The following FTO variants were observed in gnomAD, a reference collection of about 807,000 sequenced individuals.
The protein encoded by FTO is alpha-ketoglutarate-dependent dioxygenase FTO.
A neutral mutation model predicts 63.9 loss-of-function variants in FTO; 47 were observed. The observed-to-expected ratio is 0.74, with a 90% CI of 0.58 to 0.94. The LOEUF (loss-of-function observed/expected upper bound fraction) is 0.94, where lower values mean the gene tolerates loss of function less well. Among genes scored for constraint, FTO ranks in the 40% least tolerant of loss-of-function variants. FTO has a pLI of 0.00. For missense variants in FTO, 562 were observed against 618.1 expected (o/e 0.91, Z 0.96); for synonymous variants, 207 against 224.4 (o/e 0.92, Z 0.69).
At chr16:53,747,079 T>C (rs1334582932) in intron 1 of FTO, among the ~76,000 whole-genome samples, 1 of 152,230 alleles carries the variant, frequency 6.6e-6, no homozygotes, top group Non-Finnish European at 1.5e-5. Context: ...TGTGTATATA[T>C]GTCACATTTT....
At chr16:54,080,099 A>G (rs1477345097) in intron 8 of FTO, among the ~76,000 whole-genome samples, 2 of 152,142 alleles carry the variant, frequency 1.3e-5, no homozygotes, top group East Asian at 3.9e-4. Flanking sequence ...AATCATAAGA[A>G]GAGTAGGCCA....
chr16:53,711,244 CAA>C, intron 1 of FTO: 1 of 386,636 alleles, frequency 2.6e-6, no homozygotes, highest in Non-Finnish European at 4.6e-6. Context: ...TGGATTTTCT[CAA>C]ATGGGGTTCC....
chr16:53,904,630 C>A (rs1376865531), intron 7 of FTO, among the ~76,000 whole-genome samples: 2 of 152,104 alleles, frequency 1.3e-5, no homozygotes, highest in Admixed American at 6.6e-5. Context: ...GAGTTCTAGG[C>A]CTTTGTGCTA....
chr16:54,091,659 G>A (rs1372489097), intron 8 of FTO, among the ~76,000 whole-genome samples: 6 of 152,196 alleles, frequency 3.9e-5, no homozygotes, highest in South Asian at 2.1e-4. Context: ...TTGCTTTTTC[G>A]TTGTGAACCC....
chr16:54,067,153 T>G (rs2085751705), intron 8 of FTO, among the ~76,000 whole-genome samples: 2 of 149,146 alleles, frequency 1.3e-5, no homozygotes, highest in Non-Finnish European at 2.9e-5. Context: ...TTTTTTTGTT[T>G]TCTTTTTTTG....
chr16:53,826,519 C>T lies in FTO; in HGVS notation c.751+28C>T, dbSNP rs781757506. 4.3e-6 allele frequency: 7 copies of T among 1,611,122 alleles called. No individual in the cohort carries two copies. In the African/African-American group the frequency reaches 9.4e-5, roughly 22 times the overall value. ...ACAGTCTGCTCTTGGAAAAAGCAGC[C>T]CTGTATGTAATAATATGACCCGAGT... On this transcript the variant is annotated intron_variant, in intron 3 of 8. Coordinates refer to ENST00000471389, the MANE Select transcript of FTO (RefSeq NM_001080432.3).
intron 8 of FTO, among the ~76,000 whole-genome samples, chr16:53,940,002 A>G (rs1237951502): frequency 6.6e-6 from 1 of 152,108 alleles, no homozygotes; most frequent in Non-Finnish European, 1.5e-5. Context: ...TCTCTTGGGT[A>G]TATACCTAGG....
intron 2 of FTO, among the ~76,000 whole-genome samples, chr16:53,813,827 A>C (rs2078600605): frequency 6.6e-6 from 1 of 152,146 alleles, no homozygotes; most frequent in African/African-American, 2.4e-5. Flanking sequence ...GTATTCAGCA[A>C]CTACTTTTCT....
In FTO at chr16:54,118,897, G is replaced by T. The variant is rs1405273433; in HGVS notation, c.*6982G>T. ...AAGTCCTACTCAAGTCCAAGGGAGA[G>T]AAATTATTATTATTCGTTTTGTGAA... is the stretch of plus-strand genomic sequence containing the variant. On this transcript the variant is annotated 3_prime_UTR_variant, in exon 9 of 9. Transcript: ENST00000471389. 6.6e-6 allele frequency: 1 copy of T among 152,216 alleles called. No individual in the cohort carries two copies. Among genetic ancestry groups the T allele is most frequent in the Non-Finnish European group, 1.5e-5 (1 of 68,042 alleles). 9.4% of individuals were successfully genotyped at this position (152,216 alleles called of 1,614,324 possible).
intron 1 of FTO, among the ~76,000 whole-genome samples, chr16:53,717,185 A>G (rs1459909274): frequency 1.3e-5 from 2 of 152,040 alleles, no homozygotes; most frequent in African/African-American, 4.8e-5. Flanking sequence ...AACTTTTGTT[A>G]AGATTTTTGG....
intron 8 of FTO, among the ~76,000 whole-genome samples, chr16:53,994,700 A>T (rs2083894845): frequency 6.6e-6 from 1 of 150,768 alleles, no homozygotes; most frequent in Non-Finnish European, 1.5e-5. Context: ...AGTCTCCAAA[A>T]TTGTGCCCTT....
upstream of FTO, chr16:53,703,982 G>C: frequency 1.5e-6 from 1 of 652,082 alleles, no homozygotes; most frequent in Non-Finnish European, 2.8e-6. Flanking sequence ...TCCAGCTGTC[G>C]GACCTGGGAA....
Position 53,969,625 on chromosome 16 carries a change from G to A in FTO, c.1364+35516G>A, listed in dbSNP as rs182315844. ...CACCACACTGCATCTTTATGCAATAGATGTGACAGGACCTATATCCTCCAG... is the reference window on the plus strand; with the variant it reads ...CACCACACTGCATCTTTATGCAATAAATGTGACAGGACCTATATCCTCCAG... On this transcript the variant is annotated intron_variant, in intron 8 of 8. Coordinates refer to ENST00000471389, the MANE Select transcript of FTO (RefSeq NM_001080432.3). Among the ~76,000 whole-genome samples the A allele has an allele frequency of 8.5e-5, 13 of 152,270 alleles. No homozygotes were observed. The East Asian group carries it at 2.1e-3, about 25-fold the overall frequency.
intron 8 of FTO, among the ~76,000 whole-genome samples, chr16:54,029,372 T>G (rs974953537): frequency 6.6e-6 from 1 of 152,186 alleles, no homozygotes; most frequent in Admixed American, 6.5e-5. Context: ...GTTAATTAAC[T>G]TTCATGCTGA....
At chr16:53,965,113 G>A (rs373223097) in intron 8 of FTO, among the ~76,000 whole-genome samples, 4 of 152,208 alleles carry the variant, frequency 2.6e-5, no homozygotes, top group East Asian at 3.9e-4. Flanking sequence ...TCCCTCTGTT[G>A]CCCAGGCTGG....
intron 1 of FTO, among the ~76,000 whole-genome samples, chr16:53,771,642 A>G (rs570586490): frequency 6.6e-6 from 1 of 152,272 alleles, no homozygotes; most frequent in African/African-American, 2.4e-5. Context: ...ATGACAATGT[A>G]TGTCCACACA....
intron 7 of FTO, among the ~76,000 whole-genome samples, chr16:53,902,188 C>A (rs2151927655): frequency 6.6e-6 from 1 of 152,286 alleles, no homozygotes; most frequent in African/African-American, 2.4e-5. Context: ...TTTATCCTCT[C>A]TTCTTTATAT....
intron 8 of FTO, among the ~76,000 whole-genome samples, chr16:54,017,977 A>G (rs2098373): frequency 0.52 from 79,526 of 151,804 alleles, 23,344 homozygotes; most frequent in African/African-American, 0.79. Flanking sequence ...GTCCCCCACC[A>G]TGACACTACC....
chr16:54,067,483 A>G (rs1599309112), intron 8 of FTO, among the ~76,000 whole-genome samples: 1 of 152,252 alleles, frequency 6.6e-6, no homozygotes, highest in Admixed American at 6.5e-5. Context: ...CGCAGTGCAT[A>G]TAAAATCCGC....
Sources: allele counts gnomAD v4.1 joint callset (sites outside exome capture counted in the v4.1 genomes callset), GRCh38; gene constraint gnomAD v4.1.1; transcripts MANE v1.5; gene names NCBI Gene and HGNC (gene_info 2026-07-23, HGNC 2026-07-21).